Variants in KCNJ3 observed in about 807,000 individuals in gnomAD.
The protein encoded by KCNJ3 is G protein-activated inward rectifier potassium channel 1.
Under a neutral mutation model 39.2 loss-of-function variants are expected in KCNJ3, and 4 were observed. The ratio of observed to expected loss-of-function variants is 0.10; its 90% CI spans 0.05 to 0.23. KCNJ3 has a LOEUF of 0.23. Ranked by LOEUF, KCNJ3 falls within the 10% of genes least tolerant of loss-of-function variation. The pLI is 1.00. For missense variants in KCNJ3, 276 were observed against 634.9 expected, an observed-to-expected ratio of 0.43 and a Z score of 6.08; for synonymous variants, 230 against 237.4, an observed-to-expected ratio of 0.97 and a Z score of 0.29.
chr2:154,779,636 C>T (rs761278441), intron 2 of KCNJ3, among the ~76,000 whole-genome samples: 113 of 151,218 alleles, frequency 7.5e-4, no homozygotes, highest in Middle Eastern at 6.9e-3. Context: ...CTCCACCTCC[C>T]GGGTTCAAGT....
At position 154,844,994 on chromosome 2, in the gene KCNJ3, C is replaced by T. The variant is rs552395101; in HGVS notation, c.920-9733C>T. Among the ~76,000 whole-genome samples, 739 of 152,272 alleles carry T rather than the reference C, an allele frequency of 4.9e-3. 4 individuals carry two copies. The highest frequency in any genetic ancestry group is 0.014 in the South Asian group (69 of 4,826). On this transcript the variant is annotated intron_variant, in intron 2 of 2. Transcript: ENST00000295101. Reference sequence around the variant, plus strand: ...CAGTCCCAATGAGATGAACCAGGTACCTCAGTTGGAAATGCAGAAATCACC... The same window carrying T: ...CAGTCCCAATGAGATGAACCAGGTATCTCAGTTGGAAATGCAGAAATCACC...
Position 154,774,840 on chromosome 2 carries a change from A to T in KCNJ3, c.919+65021A>T, listed in dbSNP as rs535131105. Among the ~76,000 whole-genome samples, 5 of 152,332 alleles carry T rather than the reference A, an allele frequency of 3.3e-5. No individual in the cohort carries two copies. The South Asian group carries it at 8.3e-4, about 25-fold the overall frequency. ...TTAAAATTTAGATAAACAAATGTTG[A>T]AGTTATCCTTCTATTTTTGTTAACA... On this transcript the variant is annotated intron_variant, in intron 2 of 2. Transcript: ENST00000295101.
intron 2 of KCNJ3, among the ~76,000 whole-genome samples, chr2:154,802,814 C>A (rs536104626): frequency 6.6e-6 from 1 of 152,032 alleles, no homozygotes; most frequent in East Asian, 1.9e-4. Flanking sequence ...GAAGGTGATA[C>A]GGATAATTTA....
At chr2:154,726,835 A>ACACC (rs1553455093) in intron 2 of KCNJ3, among the ~76,000 whole-genome samples, 3,336 of 98,218 alleles carry the variant, frequency 0.034, 106 homozygotes, top group East Asian at 0.12. Context: ...ACACACACAC[A>ACACC]TACACCATGG....
chr2:154,858,348 T>C lies in KCNJ3; in HGVS notation c.*3035T>C, dbSNP rs1233664212. The C allele has an allele frequency of 2.0e-5, 3 of 152,228 alleles. No individual in the cohort carries two copies. Among genetic ancestry groups the C allele is most frequent in the African/African-American group, 7.2e-5 (3 of 41,462 alleles). The allele number at this position is 152,228 out of a possible 1,614,324, so 9.4% of individuals were successfully genotyped here. On this transcript the variant is annotated 3_prime_UTR_variant, in exon 3 of 3. Coordinates refer to ENST00000295101, the MANE Select transcript of KCNJ3 (RefSeq NM_002239.4). Reference sequence around the variant, plus strand: ...TTGGATAAAAATAAAGAATTGCTTTTCTTCTCCTTTTGCTGATTTTTTGAC... The same window carrying C: ...TTGGATAAAAATAAAGAATTGCTTTCCTTCTCCTTTTGCTGATTTTTTGAC...
intron 2 of KCNJ3, among the ~76,000 whole-genome samples, chr2:154,749,108 T>C (rs1685795043): frequency 6.6e-6 from 1 of 152,040 alleles, no homozygotes; most frequent in Admixed American, 6.6e-5. Context: ...AGTGGTGGAG[T>C]GAACTGAGCC....
intron 2 of KCNJ3, among the ~76,000 whole-genome samples, chr2:154,852,981 A>G (rs1419461739): frequency 6.6e-6 from 1 of 152,102 alleles, no homozygotes; most frequent in East Asian, 1.9e-4. Flanking sequence ...ATTTAAAAAA[A>G]AACCCACGCA....
At chr2:154,821,426 T>C (rs1033960045) in intron 2 of KCNJ3, among the ~76,000 whole-genome samples, 1 of 152,162 alleles carries the variant, frequency 6.6e-6, no homozygotes, top group Admixed American at 6.6e-5. Flanking sequence ...GAAATTTTGT[T>C]TTGAAAATAT....
intron 2 of KCNJ3, among the ~76,000 whole-genome samples, chr2:154,769,955 A>T (rs1310774836): frequency 6.6e-6 from 1 of 152,162 alleles, no homozygotes; most frequent in African/African-American, 2.4e-5. Flanking sequence ...TTTAATGAAA[A>T]GTTTTCAGTA....
intron 2 of KCNJ3, among the ~76,000 whole-genome samples, chr2:154,805,889 A>C (rs1686902456): frequency 6.6e-6 from 1 of 152,184 alleles, no homozygotes; most frequent in Admixed American, 6.6e-5. Context: ...TATAAACAAA[A>C]TGCAAAATAT....
chr2:154,726,978 G>T (rs749040661), intron 2 of KCNJ3, among the ~76,000 whole-genome samples: 3 of 151,940 alleles, frequency 2.0e-5, no homozygotes, highest in Admixed American at 6.6e-5. Context: ...GGACGCAAAG[G>T]CATAAGAATG....
At chr2:154,758,324 A>C (rs1332212275) in intron 2 of KCNJ3, among the ~76,000 whole-genome samples, 1 of 152,166 alleles carries the variant, frequency 6.6e-6, no homozygotes, top group Non-Finnish European at 1.5e-5. Flanking sequence ...CAAACATACA[A>C]CATAGTACAG....
In KCNJ3 at chr2:154,854,734, T is replaced by C; in HGVS notation, c.927T>C (p.Thr309=). The C allele has an allele frequency of 6.2e-7, 1 of 1,602,044 alleles. No individual in the cohort carries two copies. Among genetic ancestry groups the C allele is most frequent in the Non-Finnish European group, 8.5e-7 (1 of 1,171,314 alleles). ...TTTTCTCTTTTCTTGTAGGGATGAC[T>C]TGTCAAGCTCGAACATCATATACTG... is the stretch of plus-strand genomic sequence containing the variant. ...LEGIVETTGM[T]CQARTSYTED... The change falls in exon 3 of 3, where the codon ACT becomes ACC. Residue 309 remains threonine (T), a synonymous_variant. Coordinates refer to ENST00000295101, the MANE Select transcript of KCNJ3 (RefSeq NM_002239.4).
intron 2 of KCNJ3, among the ~76,000 whole-genome samples, chr2:154,797,566 A>G (rs1366041530): frequency 6.6e-6 from 1 of 152,052 alleles, no homozygotes; most frequent in Non-Finnish European, 1.5e-5. Context: ...CAGTGTTATT[A>G]TTTTATAAAA....
intron 2 of KCNJ3, among the ~76,000 whole-genome samples, chr2:154,780,514 G>A (rs1248702204): frequency 1.3e-5 from 2 of 151,952 alleles, no homozygotes; most frequent in African/African-American, 2.4e-5. Flanking sequence ...AAGTGTCCAG[G>A]CAAAAAATGA....
intron 2 of KCNJ3, among the ~76,000 whole-genome samples, chr2:154,747,985 G>A (rs530749889): frequency 4.8e-4 from 73 of 152,066 alleles, no homozygotes; most frequent in African/African-American, 1.7e-3. Flanking sequence ...TCTGGATAAA[G>A]TATGCCGCTT....
At chr2:154,703,153 G>T (rs1298313930) in intron 1 of KCNJ3, among the ~76,000 whole-genome samples, 1 of 151,848 alleles carries the variant, frequency 6.6e-6, no homozygotes, top group African/African-American at 2.4e-5. Flanking sequence ...AACTGTTCGA[G>T]AAATTACAAA....
intron 2 of KCNJ3, among the ~76,000 whole-genome samples, chr2:154,780,732 A>G (rs1686425498): frequency 6.6e-6 from 1 of 152,210 alleles, no homozygotes; most frequent in South Asian, 2.1e-4. Flanking sequence ...ATACGTGTAT[A>G]CCATATGCAT....
At chr2:154,839,938 TAATTA>T (rs1687546381) in intron 2 of KCNJ3, among the ~76,000 whole-genome samples, 4 of 152,188 alleles carry the variant, frequency 2.6e-5, no homozygotes, top group Admixed American at 2.0e-4. Flanking sequence ...CTCTTTAGTT[TAATTA>T]GATCCCATTT....
Sources: gnomAD v4.1 joint callset for allele counts (sites outside exome capture counted in the v4.1 genomes callset) on GRCh38, gnomAD v4.1.1 for gene constraint, MANE v1.5 for transcripts, NCBI Gene and HGNC (gene_info 2026-07-23, HGNC 2026-07-21) for gene names.